Variants in PCDH20 observed in about 807,000 individuals in gnomAD.
PCDH20 encodes the protein protocadherin-20.
Under a neutral mutation model 39.7 loss-of-function variants are expected in PCDH20, and 18 were observed. The ratio of observed to expected loss-of-function variants is 0.45; its 90% CI spans 0.31 to 0.67. The LOEUF is 0.67. PCDH20 is among the 30% of genes least tolerant of loss of function. The pLI, the probability that PCDH20 is intolerant of heterozygous loss-of-function variation, is 0.05. For synonymous variants in PCDH20, 495 were observed against 455.4 expected (o/e 1.09, Z -1.11); for missense variants, 1,161 against 1,167.4 (o/e 0.99, Z 0.08).
chr13:61,415,269 C>T, exon 1 of PCDH20: 1 of 1,206,272 alleles, frequency 8.3e-7, no homozygotes, highest in Non-Finnish European at 1.1e-6. Flanking sequence ...ACTGGCTCTT[C>T]AATTAAGGAC....
At chr13:61,413,919 C>A in exon 2 of PCDH20, 1 of 1,613,030 alleles carries the variant, frequency 6.2e-7, no homozygotes, top group Non-Finnish European at 8.5e-7. Flanking sequence ...GGCTGTAACT[C>A]CCGAGGCAGC....
exon 2 of PCDH20, chr13:61,412,384 T>C: frequency 1.2e-6 from 2 of 1,614,126 alleles, no homozygotes; most frequent in Non-Finnish European, 1.7e-6. Flanking sequence ...TCCCAGAAAA[T>C]ATGAAACTTG....
exon 2 of PCDH20, chr13:61,412,907 T>A: frequency 6.2e-7 from 1 of 1,614,122 alleles, no homozygotes; most frequent in Non-Finnish European, 8.5e-7. Flanking sequence ...TTAGCAAGGA[T>A]GGTGAGCTTG....
exon 2 of PCDH20, chr13:61,412,317 A>G: frequency 1.9e-6 from 3 of 1,614,118 alleles, no homozygotes; most frequent in Non-Finnish European, 2.5e-6. Flanking sequence ...CCAGCTGAGT[A>G]GAAACTGTCA....
chr13:61,412,067 CAG>C lies in PCDH20; in HGVS notation c.2030_2031del (p.Ser677CysfsTer6). On this transcript the variant is annotated frameshift_variant, in exon 2 of 2. Transcript: ENST00000409204. LOFTEE classifies it low-confidence loss of function (END_TRUNC). ...ACAAAAATATCACTCTGGTTCACCA[CAG>C]AGAGGGCGACCCATCCATTTCGTCC... 9 of 1,614,174 alleles carry C rather than the reference CAG, an allele frequency of 5.6e-6. No homozygotes were observed. The highest frequency in any genetic ancestry group is 7.6e-6 in the Non-Finnish European group (9 of 1,180,024).
chr13:61,412,093 C>T, exon 2 of PCDH20: 1 of 1,614,116 alleles, frequency 6.2e-7, no homozygotes, highest in Non-Finnish European at 8.5e-7. Context: ...TCCATTTCGT[C>T]CAGCGTCAGC....
At chr13:61,412,075 G>A in exon 2 of PCDH20, 3 of 1,614,052 alleles carry the variant, frequency 1.9e-6, no homozygotes, top group Non-Finnish European at 2.5e-6. Context: ...CACAGAGAGG[G>A]CGACCCATCC....
At chr13:61,412,178 T>A (rs575590366) in exon 2 of PCDH20, 1 of 1,614,188 alleles carries the variant, frequency 6.2e-7, no homozygotes, top group Non-Finnish European at 8.5e-7. Context: ...AAGTCCTTGT[T>A]GATAAACCGA....
chr13:61,411,993 T>C, exon 2 of PCDH20: 4 of 1,614,174 alleles, frequency 2.5e-6, no homozygotes, highest in Non-Finnish European at 3.4e-6. Flanking sequence ...TTTGCTGCTC[T>C]CTGTCCAAAG....
chr13:61,410,026 G>T (rs1408792780), exon 2 of PCDH20: 1 of 152,040 alleles, frequency 6.6e-6, no homozygotes, highest in Non-Finnish European at 1.5e-5. Context: ...CTCACACAAT[G>T]AATTGAAAGT....
chr13:61,409,940 A>G (rs559811532), exon 2 of PCDH20: 63 of 152,224 alleles, frequency 4.1e-4, no homozygotes, highest in Non-Finnish European at 8.1e-4. Flanking sequence ...AAGTAAAATG[A>G]TCCAGTTTAA....
exon 2 of PCDH20, chr13:61,412,876 G>A (rs1355631012): frequency 1.9e-6 from 3 of 1,613,942 alleles, no homozygotes; most frequent in Admixed American, 1.7e-5. Flanking sequence ...AGTGATTACA[G>A]CAGGGATGCA....
At chr13:61,414,234 T>G (rs1871487048) in intron 1 of PCDH20, among the ~76,000 whole-genome samples, 1 of 151,816 alleles carries the variant, frequency 6.6e-6, no homozygotes, top group African/African-American at 2.4e-5. Flanking sequence ...CTCATCCAGC[T>G]AACATTCAGA....
rs191291516 is a variant in PCDH20, at chr13:61,414,431, C to T, written c.133-465G>A. On this transcript the variant is annotated intron_variant, in intron 1 of 1. Coordinates refer to ENST00000409204, the Ensembl canonical transcript of PCDH20. ...TGATTCTGCCATTAGAGTGCTGGAA[C>T]ACGCAGTGTGTTACATCCCTTACTA... Among the ~76,000 whole-genome samples, 74 of 152,204 alleles carry T rather than the reference C, an allele frequency of 4.9e-4. 1 individual carries two copies. In the East Asian group the frequency reaches 0.01, roughly 22 times the overall value.
exon 2 of PCDH20, chr13:61,413,926 C>T (rs1476047657): frequency 2.5e-6 from 4 of 1,612,870 alleles, no homozygotes; most frequent in Non-Finnish European, 3.4e-6. Flanking sequence ...ACTCCCGAGG[C>T]AGCTGAAGGG....
intron 1 of PCDH20, 128 bp downstream of exon 1, chr13:61,414,899 C>T: frequency 8.7e-7 from 1 of 1,156,004 alleles, no homozygotes; most frequent in Non-Finnish European, 1.1e-6. Context: ...ACTCCCTTTC[C>T]CTCCCGGCGC....
chr13:61,411,521 C>T, exon 2 of PCDH20: 2 of 1,614,112 alleles, frequency 1.2e-6, no homozygotes, highest in Non-Finnish European at 1.7e-6. Context: ...ATCTCTGGTT[C>T]TTTTCTTAAA....
intron 1 of PCDH20, among the ~76,000 whole-genome samples, chr13:61,414,786 G>T (rs1404538532): frequency 6.6e-6 from 1 of 152,120 alleles, no homozygotes; most frequent in Non-Finnish European, 1.5e-5. Context: ...GCGCACCCCC[G>T]ATGCCCTCGA....
chr13:61,414,902 C>T, intron 1 of PCDH20, 125 bp downstream of exon 1: 3 of 1,183,700 alleles, frequency 2.5e-6, no homozygotes, highest in Non-Finnish European at 3.3e-6. Flanking sequence ...CCCTTTCCCT[C>T]CCGGCGCCAT....
Sources: gnomAD v4.1 joint callset for allele counts (sites outside exome capture counted in the v4.1 genomes callset) on GRCh38, gnomAD v4.1.1 for gene constraint, MANE v1.5 for transcripts, NCBI Gene and HGNC (gene_info 2026-07-23, HGNC 2026-07-21) for gene names.